The following H6PD variants were observed in gnomAD, a reference collection of about 807,000 sequenced individuals.
H6PD encodes hexose-6-phosphate dehydrogenase/glucose 1-dehydrogenase, also known as GDH/6PGL endoplasmic bifunctional protein.
In H6PD, 48 loss-of-function variants were observed where a neutral mutation model predicts 61.2. The observed-to-expected ratio is 0.78, with a 90% CI of 0.62 to 1.00. The LOEUF (loss-of-function observed/expected upper bound fraction) is 1.00. Among genes scored for constraint, H6PD ranks in the 50% least tolerant of loss-of-function variants. H6PD has a pLI of 0.00. For synonymous variants in H6PD, 480 were observed against 457.9 expected (o/e 1.05, Z -0.62); for missense variants, 1,093 against 1,065.0 (o/e 1.03, Z -0.37).
At chr1:9,247,108 G>A (rs374805768) in intron 3 of H6PD, 25 bp downstream of exon 3, 21 of 1,445,958 alleles carry the variant, frequency 1.5e-5, no homozygotes, top group African/African-American at 8.4e-5. Flanking sequence ...CTGCGCACTC[G>A]GTCCCCCAGC....
intron 1 of H6PD, among the ~76,000 whole-genome samples, chr1:9,238,193 C>T (rs2100303386): frequency 6.6e-6 from 1 of 152,210 alleles, no homozygotes; most frequent in East Asian, 1.9e-4. Context: ...GGGAGTTGGC[C>T]AGGCGGAGAG....
At position 9,263,604 on chromosome 1, in the gene H6PD, A is replaced by T. The variant is rs778974717; in HGVS notation, c.1111A>T (p.Ile371Phe). The T allele has an allele frequency of 1.2e-6, 2 of 1,614,202 alleles. No individual in the cohort carries two copies. Among genetic ancestry groups the T allele is most frequent in the Non-Finnish European group, 1.7e-6 (2 of 1,180,010 alleles). Reference sequence around the variant, plus strand: ...GGACGAGAGAGTGGGCTACGCTCGGATCTTGTTCAAGAACCAGGCCTGCTG... The same window carrying T: ...GGACGAGAGAGTGGGCTACGCTCGGTTCTTGTTCAAGAACCAGGCCTGCTG... ...ALDERVGYAR[I>F]LFKNQACCVQ... is the part of the protein sequence containing the mutation. The change falls in exon 5 of 5, where the codon ATC (isoleucine) becomes TTC (phenylalanine). Residue 371 changes from isoleucine (I) to phenylalanine (F), a missense_variant. Ile to Phe is a conservative substitution (Grantham distance 21). Transcript: ENST00000377403.
chr1:9,238,759 G>A (rs1010870043), intron 1 of H6PD, among the ~76,000 whole-genome samples: 5 of 152,096 alleles, frequency 3.3e-5, no homozygotes, highest in African/African-American at 1.2e-4. Flanking sequence ...GGGGAAGTTC[G>A]GGCTGTAAAT....
chr1:9,243,404 CAT>C (rs1641056463), intron 1 of H6PD, among the ~76,000 whole-genome samples: 1 of 152,204 alleles, frequency 6.6e-6, no homozygotes, highest in Admixed American at 6.5e-5. Flanking sequence ...AAATGCCTGA[CAT>C]ATAATAGGCG....
chr1:9,260,949 C>T (rs1006245183), intron 3 of H6PD, among the ~76,000 whole-genome samples: 1 of 152,074 alleles, frequency 6.6e-6, no homozygotes, highest in African/African-American at 2.4e-5. Flanking sequence ...GCCCCACTTC[C>T]AGGGCTCATG....
Position 9,264,968 on chromosome 1 carries a change from C to T in H6PD, c.*99C>T, listed in dbSNP as rs566023113. The T allele has an allele frequency of 7.7e-7, 1 of 1,300,220 alleles. No individual in the cohort carries two copies. The highest frequency in any genetic ancestry group is 1.1e-6 in the Non-Finnish European group (1 of 921,264). The allele number at this position is 1,300,220 out of a possible 1,614,324, so 80.5% of individuals were successfully genotyped here. Reference sequence around the variant, plus strand: ...GCCACCTGCCCAGCGTGCCCTGGCTCTCCAGAACCTTCTATCCCACAGTCA... The same window carrying T: ...GCCACCTGCCCAGCGTGCCCTGGCTTTCCAGAACCTTCTATCCCACAGTCA... On this transcript the variant is annotated 3_prime_UTR_variant, in exon 5 of 5. Coordinates refer to ENST00000377403, the MANE Select transcript of H6PD (RefSeq NM_004285.4).
chr1:9,262,030 C>T, intron 3 of H6PD, 29 bp from the exon 4 acceptor site: 1 of 1,613,348 alleles, frequency 6.2e-7, no homozygotes, highest in Non-Finnish European at 8.5e-7. Context: ...TCTTTAGATC[C>T]TCCCCACTTC....
chr1:9,245,152 G>A lies in H6PD; in HGVS notation c.218G>A (p.Gly73Asp). Residue 73 changes from glycine to aspartate, a missense_variant, in exon 2 of 5, where the codon GGT (glycine) becomes GAT (aspartate). By Grantham distance (94) the Gly-to-Asp change is moderately conservative (BLOSUM62 -1). Coordinates refer to ENST00000377403, the MANE Select transcript of H6PD (RefSeq NM_004285.4). The surrounding 1 kb of genome is among the most constrained non-coding windows in gnomAD (Gnocchi z 4.8). Reference protein sequence around the residue: ...HGAALTAPKQGQELMAKALES... With the variant: ...HGAALTAPKQDQELMAKALES... ...GCTGCTCTGACAGCCCCCAAGCAGGGTCAAGAGCTCATGGCCAAGGCCCTG... is the reference window on the plus strand; with the variant it reads ...GCTGCTCTGACAGCCCCCAAGCAGGATCAAGAGCTCATGGCCAAGGCCCTG... 4 of 1,614,232 alleles carry A rather than the reference G, an allele frequency of 2.5e-6. No individual in the cohort carries two copies. The highest frequency in any genetic ancestry group is 2.5e-6 in the Non-Finnish European group (3 of 1,180,042).
chr1:9,242,476 TG>T, intron 1 of H6PD: 2 of 570,844 alleles, frequency 3.5e-6, no homozygotes, highest in Non-Finnish European at 4.4e-6. Flanking sequence ...AAAGGAGTGC[TG>T]GCAACATAAC....
chr1:9,260,891 C>T (rs1338850427), intron 3 of H6PD, among the ~76,000 whole-genome samples: 2 of 152,054 alleles, frequency 1.3e-5, no homozygotes, highest in African/African-American at 4.8e-5. Flanking sequence ...CCTCTGCTTC[C>T]GCCTCCCCGT....
chr1:9,264,529 C>G lies in H6PD; in HGVS notation c.2036C>G (p.Ala679Gly). The change falls in exon 5 of 5, where the codon GCC becomes GGC. Residue 679 changes from alanine (A) to glycine (G), a missense_variant. Coordinates refer to ENST00000377403, the MANE Select transcript of H6PD (RefSeq NM_004285.4). ...CAGATCTATGCCAGGGAGATCTCAG[C>G]CCTGGTGGCCAACAGCAGCTTCGAC... Reference protein sequence around the residue: ...GAQIYAREISALVANSSFDLV... With the variant: ...GAQIYAREISGLVANSSFDLV... The G allele has an allele frequency of 6.2e-7, 1 of 1,613,242 alleles. No individual in the cohort carries two copies. Among genetic ancestry groups the G allele is most frequent in the South Asian group, 1.1e-5 (1 of 91,076 alleles).
chr1:9,260,939 G>A (rs554122938), intron 3 of H6PD, among the ~76,000 whole-genome samples: 69 of 151,950 alleles, frequency 4.5e-4, no homozygotes, highest in African/African-American at 1.7e-3. Context: ...CTCTGCTCAG[G>A]CCCCACTTCC....
rs186417168 is a variant in H6PD, at chr1:9,262,374, C to G, written c.1015+46C>G. On this transcript the variant is annotated intron_variant, in intron 4 of 4. Coordinates refer to ENST00000377403, the MANE Select transcript of H6PD (RefSeq NM_004285.4). ...TGGGGCACTGGGCTGCCCACTTCGC[C>G]GGGAGCAGCTTTCCAAATGCAGACG... is the stretch of plus-strand genomic sequence containing the variant. 3.9e-4 allele frequency: 605 copies of G among 1,540,648 alleles called. 1 individual carries two copies. Among genetic ancestry groups the G allele is most frequent in the Non-Finnish European group, 4.9e-4 (555 of 1,133,086 alleles).
intron 3 of H6PD, among the ~76,000 whole-genome samples, chr1:9,252,583 T>G (rs1641401448): frequency 6.6e-6 from 1 of 152,326 alleles, no homozygotes; most frequent in Non-Finnish European, 1.5e-5. Context: ...TGAGATACAA[T>G]GCACATACCA....
In H6PD at chr1:9,264,217, C is replaced by T; in HGVS notation, c.1724C>T (p.Ala575Val). Residue 575 changes from alanine (A) to valine (V), a missense_variant, in exon 5 of 5, where the codon GCT (alanine) becomes GTT (valine). Coordinates refer to ENST00000377403, the MANE Select transcript of H6PD (RefSeq NM_004285.4). The stretch of plus-strand genomic sequence containing the variant: ...CTGGCTAATGACATCGAGGCCACCG[C>T]TGTGCGAGCCGTGCGGCGCTTTGGC... ...SKLANDIEAT[A>V]VRAVRRFGQF... 1 of 1,610,620 alleles carries T rather than the reference C, an allele frequency of 6.2e-7. No individual in the cohort carries two copies. Among genetic ancestry groups the T allele is most frequent in the Non-Finnish European group, 8.5e-7 (1 of 1,178,970 alleles).
intron 3 of H6PD, 55 bp downstream of exon 3, chr1:9,247,138 G>A: frequency 8.4e-7 from 1 of 1,197,408 alleles, no homozygotes; most frequent in Admixed American, 1.7e-5. Flanking sequence ...CCCGCTGTCT[G>A]CGGTGAGGCA....
At chr1:9,240,050 C>T (rs1257969688) in intron 1 of H6PD, 1 of 1,214,502 alleles carries the variant, frequency 8.2e-7, no homozygotes, top group Non-Finnish European at 1.0e-6. Flanking sequence ...TCGTAGGAGC[C>T]TCTCAGGATT....
At chr1:9,240,165 A>C (rs976365053) in intron 1 of H6PD, 1 of 411,054 alleles carries the variant, frequency 2.4e-6, no homozygotes, top group African/African-American at 2.0e-5. Flanking sequence ...ACCTCCCTAC[A>C]GGATGCCCCC....
intron 1 of H6PD, chr1:9,239,972 A>C: frequency 8.1e-7 from 1 of 1,231,170 alleles, no homozygotes; most frequent in Non-Finnish European, 1.0e-6. Flanking sequence ...TCTGATCCAA[A>C]CCCCCTGGCC....
Sources: gnomAD v4.1 joint callset for allele counts (sites outside exome capture counted in the v4.1 genomes callset) on GRCh38, gnomAD v4.1.1 for gene constraint, Gnocchi (gnomAD v3.1) non-coding constraint, MANE v1.5 for transcripts, NCBI Gene and HGNC (gene_info 2026-07-23, HGNC 2026-07-21) for gene names.